FMN1: variants seen among roughly 807,000 people sequenced by gnomAD.
FMN1 encodes the protein formin-1.
A neutral mutation model predicts 132.4 loss-of-function variants in FMN1; 110 were observed. The observed-to-expected ratio is 0.83, with a 90% CI of 0.71 to 0.97. The LOEUF (loss-of-function observed/expected upper bound fraction) is 0.97. FMN1 is among the 50% of genes least tolerant of loss of function. The pLI is 0.00. For synonymous variants in FMN1, 722 were observed against 651.7 expected, an observed-to-expected ratio of 1.11 and a Z score of -1.64; for missense variants, 1,792 against 1,705.3, an observed-to-expected ratio of 1.05 and a Z score of -0.90.
At chr15:33,114,129 C>T (rs905545587) in intron 4 of FMN1, among the ~76,000 whole-genome samples, 2 of 152,204 alleles carry the variant, frequency 1.3e-5, no homozygotes, top group African/African-American at 4.8e-5. Context: ...CCTGTTCTGC[C>T]GTCAAGGTCC....
intron 17 of FMN1, among the ~76,000 whole-genome samples, chr15:32,824,064 A>G (rs1440887681): frequency 2.6e-5 from 4 of 152,262 alleles, no homozygotes; most frequent in Non-Finnish European, 5.9e-5. Context: ...CACACAGTTG[A>G]AACATGGACT....
intron 4 of FMN1, among the ~76,000 whole-genome samples, chr15:33,125,106 C>T (rs1379005718): frequency 6.6e-6 from 1 of 151,894 alleles, no homozygotes; most frequent in Non-Finnish European, 1.5e-5. Context: ...TAACATAATG[C>T]CTTAGAACAT....
chr15:32,806,090 C>T (rs2057670479), intron 17 of FMN1, among the ~76,000 whole-genome samples: 1 of 152,120 alleles, frequency 6.6e-6, no homozygotes, highest in Non-Finnish European at 1.5e-5. Context: ...TTAACATAAG[C>T]TACAACATAA....
chr15:32,844,895 C>G (rs942357322), intron 17 of FMN1, among the ~76,000 whole-genome samples: 1 of 152,226 alleles, frequency 6.6e-6, no homozygotes, highest in Non-Finnish European at 1.5e-5. Flanking sequence ...GCTAACTGCT[C>G]CACATACATT....
chr15:32,782,110 T>C (rs1317018968), intron 19 of FMN1, among the ~76,000 whole-genome samples: 1 of 152,236 alleles, frequency 6.6e-6, no homozygotes, highest in East Asian at 1.9e-4. Flanking sequence ...AAGCACTTTG[T>C]GCCTCTCTTA....
Position 33,153,978 on chromosome 15 carries a change from T to A in FMN1, c.937A>T (p.Met313Leu). ...CAAGTCCGCTTAGCCGGCTTCTCCA[T>A]CTCATCCTTTTCTGCCTCTGGATGC... ...EKHPEAEKDE[M>L]EKPAKRTCKQ... is the part of the protein sequence containing the mutation. The change falls in exon 4 of 21, where the codon ATG becomes TTG. Residue 313 changes from methionine to leucine, a missense_variant. Transcript: ENST00000616417. 1 of 1,536,766 alleles carries A rather than the reference T, an allele frequency of 6.5e-7. No individual in the cohort carries two copies. The highest frequency in any genetic ancestry group is 8.7e-7 in the Non-Finnish European group (1 of 1,147,060).
chr15:32,783,753 A>C (rs1273894065), intron 19 of FMN1, among the ~76,000 whole-genome samples: 1 of 31,340 alleles, frequency 3.2e-5, no homozygotes, highest in Non-Finnish European at 6.0e-5. Context: ...TCAAAAAAAA[A>C]AAAAAAAAAA....
Position 33,067,775 on chromosome 15 carries a change from G to T in FMN1, c.2044-2701C>A, listed in dbSNP as rs111822533. ...TAATTTACTCGTAAACCCAAATAGG[G>T]ATTTCATAGAGAACTTACTCAGGAT... On this transcript the variant is annotated intron_variant, in intron 5 of 20. Transcript: ENST00000616417. The T allele has an allele frequency of 4.1e-3, 6,608 of 1,613,932 alleles. 31 individuals are homozygous for T. Among genetic ancestry groups the T allele is most frequent in the Non-Finnish European group, 5.1e-3 (6,021 of 1,179,854 alleles).
chr15:33,042,093 A>T (rs55701417), intron 6 of FMN1, among the ~76,000 whole-genome samples: 5,534 of 152,224 alleles, frequency 0.036, 352 homozygotes, highest in African/African-American at 0.13. Context: ...ATAAAGTCAG[A>T]ATTAATAGAA....
intron 5 of FMN1, chr15:33,066,941 T>C: frequency 6.2e-7 from 1 of 1,614,034 alleles, no homozygotes; most frequent in Non-Finnish European, 8.5e-7. Context: ...TAAGGACTTC[T>C]GCACAGGCTG....
intron 6 of FMN1, among the ~76,000 whole-genome samples, chr15:33,035,864 A>T (rs1375148025): frequency 6.6e-6 from 1 of 152,186 alleles, no homozygotes; most frequent in African/African-American, 2.4e-5. Flanking sequence ...GACAGCCCTG[A>T]CCTCATGAAT....
chr15:32,970,397 C>T (rs1224089873), intron 7 of FMN1, among the ~76,000 whole-genome samples: 1 of 152,194 alleles, frequency 6.6e-6, no homozygotes, highest in Non-Finnish European at 1.5e-5. Context: ...CTGCCTCCCC[C>T]ATGAGATTAT....
intron 17 of FMN1, among the ~76,000 whole-genome samples, chr15:32,843,085 C>A (rs1201005364): frequency 6.6e-6 from 1 of 150,806 alleles, no homozygotes; most frequent in African/African-American, 2.4e-5. Flanking sequence ...CGAGATCACA[C>A]CATTGCACTC....
At chr15:33,013,399 G>A (rs541842194) in intron 6 of FMN1, among the ~76,000 whole-genome samples, 1 of 152,078 alleles carries the variant, frequency 6.6e-6, no homozygotes, top group African/African-American at 2.4e-5. Context: ...GAATAAATGT[G>A]TCTTTTATTT....
intron 6 of FMN1, among the ~76,000 whole-genome samples, chr15:33,015,385 G>C (rs1196000859): frequency 6.6e-6 from 1 of 152,148 alleles, no homozygotes. Context: ...GGCTGGCACC[G>C]ACAAGTTCTG....
intron 5 of FMN1, chr15:33,066,869 G>A (rs761852523): frequency 1.2e-6 from 2 of 1,613,936 alleles, no homozygotes; most frequent in Non-Finnish European, 8.5e-7. Context: ...CAGGAGAGTG[G>A]GAGTGGCCTT....
At chr15:33,170,471 T>C (rs1362802486) in intron 3 of FMN1, among the ~76,000 whole-genome samples, 1 of 151,660 alleles carries the variant, frequency 6.6e-6, no homozygotes, top group African/African-American at 2.4e-5. Context: ...ACACAGCCTG[T>C]TGAATGGGAG....
At chr15:33,001,135 T>C (rs1045118349) in intron 7 of FMN1, among the ~76,000 whole-genome samples, 3 of 152,150 alleles carry the variant, frequency 2.0e-5, no homozygotes, top group African/African-American at 7.2e-5. Context: ...ATACAAAAAT[T>C]AGCTGGATGT....
intron 16 of FMN1, among the ~76,000 whole-genome samples, chr15:32,868,583 T>C (rs1040749074): frequency 1.3e-5 from 2 of 152,202 alleles, no homozygotes; most frequent in African/African-American, 4.8e-5. Context: ...TATGTATATG[T>C]AGACACAGAC....
Sources: allele counts gnomAD v4.1 joint callset (sites outside exome capture counted in the v4.1 genomes callset), GRCh38; gene constraint gnomAD v4.1.1; transcripts MANE v1.5; gene names NCBI Gene and HGNC (gene_info 2026-07-23, HGNC 2026-07-21).